PPM1L: variants seen among roughly 807,000 people sequenced by gnomAD.
The protein encoded by PPM1L is protein phosphatase 1L.
PPM1L carries 13 observed loss-of-function variants against 31.4 expected under a neutral mutation model. The observed-to-expected ratio is 0.41, with a 90% CI of 0.27 to 0.66. The LOEUF is 0.66. Among genes scored for constraint, PPM1L ranks in the 30% least tolerant of loss-of-function variants. The pLI is 0.29. For missense variants in PPM1L, 326 were observed against 453.7 expected, an observed-to-expected ratio of 0.72 and a Z score of 2.56; for synonymous variants, 184 against 175.4, an observed-to-expected ratio of 1.05 and a Z score of -0.39.
intron 2 of PPM1L, among the ~76,000 whole-genome samples, chr3:161,034,598 A>G (rs1189043862): frequency 6.6e-6 from 1 of 151,860 alleles, no homozygotes; most frequent in African/African-American, 2.4e-5. Context: ...AGGAACAGAA[A>G]ACCAAACACT....
chr3:160,973,806 T>G (rs139617932), intron 2 of PPM1L, among the ~76,000 whole-genome samples: 3 of 122,400 alleles, frequency 2.5e-5, no homozygotes, highest in African/African-American at 8.0e-5. Flanking sequence ...CCAAGACTTG[T>G]CTTTATTTTT....
intron 2 of PPM1L, among the ~76,000 whole-genome samples, chr3:161,008,453 G>A (rs1399797950): frequency 6.6e-6 from 1 of 152,102 alleles, no homozygotes; most frequent in African/African-American, 2.4e-5. Flanking sequence ...TGTATCTTTG[G>A]GTCTTCATTC....
At chr3:160,827,447 T>TTGTGTGTG (rs59524935) in intron 1 of PPM1L, among the ~76,000 whole-genome samples, 6,784 of 141,314 alleles carry the variant, frequency 0.048, 366 homozygotes, top group African/African-American at 0.12. Flanking sequence ...TGATATAAGT[T>TTGTGTGTG]TGTGTGTGTG....
At chr3:160,922,074 G>A (rs1714424652) in intron 1 of PPM1L, among the ~76,000 whole-genome samples, 1 of 152,174 alleles carries the variant, frequency 6.6e-6, no homozygotes, top group Non-Finnish European at 1.5e-5. Flanking sequence ...ACTTTGGGAG[G>A]CCAAGGCGGG....
At chr3:160,903,208 TTGTGTGTGTGTGTGTGTGTG>T (rs59232471) in intron 1 of PPM1L, among the ~76,000 whole-genome samples, 5 of 120,038 alleles carry the variant, frequency 4.2e-5, no homozygotes, top group African/African-American at 1.6e-4. Flanking sequence ...GTGTGTATGT[TTGTGTGTGTGTGTGTGTGTG>T]TGTGTGTGTG....
intron 1 of PPM1L, among the ~76,000 whole-genome samples, chr3:160,855,364 G>A (rs1031129052): frequency 6.6e-6 from 1 of 152,074 alleles, no homozygotes; most frequent in Non-Finnish European, 1.5e-5. Context: ...CAAAAAGAAA[G>A]ATTGACAAAT....
chr3:160,970,942 C>T (rs1005546006), intron 2 of PPM1L, among the ~76,000 whole-genome samples: 3 of 151,924 alleles, frequency 2.0e-5, no homozygotes, highest in Admixed American at 1.3e-4. Context: ...AGGCGCCCGC[C>T]ACCTCGCCCG....
intron 1 of PPM1L, among the ~76,000 whole-genome samples, chr3:160,785,673 G>A (rs555954657): frequency 6.6e-6 from 1 of 152,128 alleles, no homozygotes; most frequent in South Asian, 2.1e-4. Flanking sequence ...TTTAAGAGAT[G>A]AACTTAGACA....
At chr3:160,898,808 T>C (rs1310095048) in intron 1 of PPM1L, among the ~76,000 whole-genome samples, 4 of 152,150 alleles carry the variant, frequency 2.6e-5, no homozygotes, top group Non-Finnish European at 4.4e-5. Context: ...GCTCAACGTT[T>C]TATGTTCCCA....
intron 2 of PPM1L, among the ~76,000 whole-genome samples, chr3:161,049,376 A>T (rs373151756): frequency 6.6e-6 from 1 of 152,214 alleles, no homozygotes; most frequent in African/African-American, 2.4e-5. Context: ...GGAAATGCTC[A>T]TTCGAGCATT....
chr3:160,997,450 A>T (rs1402240328), intron 2 of PPM1L, among the ~76,000 whole-genome samples: 1 of 152,218 alleles, frequency 6.6e-6, no homozygotes, highest in African/African-American at 2.4e-5. Flanking sequence ...AGGGAGAAGG[A>T]TAACATTGTT....
chr3:160,975,678 T>C (rs1337408201), intron 2 of PPM1L, among the ~76,000 whole-genome samples: 1 of 152,200 alleles, frequency 6.6e-6, no homozygotes, highest in Admixed American at 6.5e-5. Flanking sequence ...TCTGTTTGTC[T>C]GTTGTTAGTG....
intron 2 of PPM1L, among the ~76,000 whole-genome samples, chr3:161,014,838 G>C (rs1288927801): frequency 6.6e-6 from 1 of 152,150 alleles, no homozygotes; most frequent in Non-Finnish European, 1.5e-5. Context: ...TTGCCTTCAT[G>C]TTTTGGTTTG....
rs1257198832 is a variant in PPM1L, at chr3:160,833,232, G to C, written c.399+76525G>C. On this transcript the variant is annotated intron_variant, in intron 1 of 3. Transcript: ENST00000498165. ...GTGAATAGTGCTGCAATGAACATAA[G>C]TATGCATGTATCTTTGTAATAGAAT... Among the ~76,000 whole-genome samples, 4 of 152,192 alleles carry C rather than the reference G, an allele frequency of 2.6e-5. No individual in the cohort carries two copies. In the South Asian group the frequency reaches 6.2e-4, roughly 24 times the overall value.
chr3:161,066,712 C>G (rs1246894715), intron 3 of PPM1L, among the ~76,000 whole-genome samples: 1 of 152,184 alleles, frequency 6.6e-6, no homozygotes. Context: ...AAGCGGGGTG[C>G]TCATGTACCC....
At chr3:160,949,395 G>A (rs1485869577) in intron 1 of PPM1L, among the ~76,000 whole-genome samples, 1 of 152,170 alleles carries the variant, frequency 6.6e-6, no homozygotes, top group East Asian at 1.9e-4. Context: ...GATACAACAG[G>A]CTGTGGCTCT....
chr3:160,875,750 T>A (rs1712487035), intron 1 of PPM1L, among the ~76,000 whole-genome samples: 1 of 152,208 alleles, frequency 6.6e-6, no homozygotes. Context: ...AGTAAAACTT[T>A]CCCAGGTCAC....
At position 161,078,069 on chromosome 3, in the gene PPM1L, T is replaced by C. The variant is rs956181619; in HGVS notation, c.*8912T>C. The C allele has an allele frequency of 6.6e-6, 1 of 152,138 alleles. No individual in the cohort carries two copies. The highest frequency in any genetic ancestry group is 1.5e-5 in the Non-Finnish European group (1 of 68,016). The allele number at this position is 152,138 out of a possible 1,614,324, so 9.4% of individuals were successfully genotyped here. A position where few individuals can be genotyped will look rare whatever the true frequency, so the allele number is the denominator to read the frequency against. The stretch of plus-strand genomic sequence containing the variant: ...GTAAAGATCTGATTGTGATCAAAAG[T>C]AGGGTTTTTGTTTTGTTTTTAATCA... On this transcript the variant is annotated 3_prime_UTR_variant, in exon 4 of 4. Coordinates refer to ENST00000498165, the MANE Select transcript of PPM1L (RefSeq NM_139245.4).
chr3:160,886,428 A>G (rs1478108740), intron 1 of PPM1L, among the ~76,000 whole-genome samples: 1 of 152,046 alleles, frequency 6.6e-6, no homozygotes, highest in Non-Finnish European at 1.5e-5. Flanking sequence ...GTTTTCAGAC[A>G]CTCTATACAG....
Sources: gnomAD v4.1 joint callset for allele counts (sites outside exome capture counted in the v4.1 genomes callset) on GRCh38, gnomAD v4.1.1 for gene constraint, MANE v1.5 for transcripts, NCBI Gene and HGNC (gene_info 2026-07-23, HGNC 2026-07-21) for gene names.